The following CCSER1 variants were observed in gnomAD, a reference collection of about 807,000 sequenced individuals.
CCSER1 encodes the protein coiled-coil serine rich protein 1.
A neutral mutation model predicts 82.0 loss-of-function variants in CCSER1; 41 were observed. That is an observed-to-expected ratio of 0.50 (90% CI 0.39 to 0.65). CCSER1 has a LOEUF of 0.65. Ranked by LOEUF, CCSER1 falls within the 30% of genes least tolerant of loss-of-function variation. CCSER1 has a pLI of 0.00. For missense variants in CCSER1, 1,119 were observed against 1,064.2 expected (o/e 1.05, Z -0.72); for synonymous variants, 414 against 383.9 (o/e 1.08, Z -0.92).
Position 91,157,638 on chromosome 4 carries a change from C to G in CCSER1, c.2217+71644C>G, listed in dbSNP as rs1348360290. 2.0e-5 allele frequency among the ~76,000 whole-genome samples: 3 copies of G among 152,024 alleles called. No individual in the cohort carries two copies. The South Asian group carries it at 6.2e-4, about 32-fold the overall frequency. ...TATATCTCCATCTATATGGTAATGC[C>G]AGGGACAGCACTTAGAGTACCTGTT... On this transcript the variant is annotated intron_variant, in intron 10 of 10. Coordinates refer to ENST00000509176, the MANE Select transcript of CCSER1 (RefSeq NM_001145065.2).
rs144642405 is a variant in CCSER1, at chr4:90,696,043, G to A, written c.1933-27871G>A. On this transcript the variant is annotated intron_variant, in intron 6 of 10. Transcript: ENST00000509176. Reference sequence around the variant, plus strand: ...TAAATACTTTTATTAAAAACTCATCGGTTACATTTCCAAAATATAAATCTG... The same window carrying A: ...TAAATACTTTTATTAAAAACTCATCAGTTACATTTCCAAAATATAAATCTG... 3.8e-3 allele frequency among the ~76,000 whole-genome samples: 577 copies of A among 151,822 alleles called. 2 individuals carry two copies. The highest frequency in any genetic ancestry group is 5.3e-3 in the Non-Finnish European group (358 of 67,896).
Position 90,819,839 on chromosome 4 carries a change from A to C in CCSER1, c.2094+3994A>C, listed in dbSNP as rs529006545. 4.6e-5 allele frequency among the ~76,000 whole-genome samples: 7 copies of C among 152,346 alleles called. No individual in the cohort carries two copies. In the East Asian group the frequency reaches 1.3e-3, roughly 29 times the overall value. The stretch of plus-strand genomic sequence containing the variant: ...CTGTTTTCAACAGATCGAGATAAAA[A>C]TAATCACTTGTAATTGTTTTATTAT... On this transcript the variant is annotated intron_variant, in intron 8 of 10. Coordinates refer to ENST00000509176, the MANE Select transcript of CCSER1 (RefSeq NM_001145065.2).
intron 10 of CCSER1, among the ~76,000 whole-genome samples, chr4:91,485,485 A>G (rs770358881): frequency 1.3e-5 from 2 of 152,126 alleles, no homozygotes; most frequent in Non-Finnish European, 2.9e-5. Context: ...TAAGAAGGGG[A>G]AAAGTAGCAT....
chr4:90,551,146 T>A (rs1777429058), intron 5 of CCSER1, among the ~76,000 whole-genome samples: 1 of 152,148 alleles, frequency 6.6e-6, no homozygotes, highest in South Asian at 2.1e-4. Context: ...GTTTAGAAGC[T>A]TAGTTTATAA....
At chr4:90,689,447 T>C (rs1735420106) in intron 6 of CCSER1, among the ~76,000 whole-genome samples, 1 of 152,154 alleles carries the variant, frequency 6.6e-6, no homozygotes. Context: ...AGAATATTTA[T>C]TTTAAAACAG....
At position 91,318,862 on chromosome 4, in the gene CCSER1, G is replaced by A. The variant is rs954240176; in HGVS notation, c.2217+232868G>A. Among the ~76,000 whole-genome samples the A allele has an allele frequency of 4.6e-5, 7 of 151,850 alleles. No homozygotes were observed. In the South Asian group the frequency reaches 6.2e-4, roughly 13 times the overall value. On this transcript the variant is annotated intron_variant, in intron 10 of 10. Transcript: ENST00000509176. Reference sequence around the variant, plus strand: ...TGGAATACACAGCTGCCTTTTTAACGTTCTGATTGTGCATATTCCCTCATT... The same window carrying A: ...TGGAATACACAGCTGCCTTTTTAACATTCTGATTGTGCATATTCCCTCATT...
chr4:91,514,544 G>A (rs1286962529), intron 10 of CCSER1, among the ~76,000 whole-genome samples: 2 of 152,104 alleles, frequency 1.3e-5, no homozygotes, highest in East Asian at 3.8e-4. Context: ...TGCTGTCAGT[G>A]GGGTTTTTAA....
At chr4:91,067,425 A>C (rs2148756618) in intron 9 of CCSER1, among the ~76,000 whole-genome samples, 1 of 151,854 alleles carries the variant, frequency 6.6e-6, no homozygotes, top group East Asian at 1.9e-4. Flanking sequence ...GCTTACTGCA[A>C]GCTTGAAACT....
At chr4:90,316,241 A>G (rs1203064822) in intron 3 of CCSER1, among the ~76,000 whole-genome samples, 1 of 152,234 alleles carries the variant, frequency 6.6e-6, no homozygotes, top group East Asian at 1.9e-4. Context: ...GACATAGCTC[A>G]TAAATGGCAG....
At chr4:91,150,554 T>G (rs1730068375) in intron 10 of CCSER1, among the ~76,000 whole-genome samples, 1 of 152,180 alleles carries the variant, frequency 6.6e-6, no homozygotes, top group Admixed American at 6.5e-5. Context: ...CCCTGTCTTG[T>G]GTGCCAGTTT....
intron 8 of CCSER1, among the ~76,000 whole-genome samples, chr4:90,908,924 A>C (rs1046274782): frequency 1.3e-5 from 2 of 152,240 alleles, no homozygotes; most frequent in African/African-American, 4.8e-5. Flanking sequence ...TCCGTAACAA[A>C]GTACCACAAA....
At chr4:90,953,214 G>A (rs1398777121) in intron 9 of CCSER1, among the ~76,000 whole-genome samples, 1 of 151,746 alleles carries the variant, frequency 6.6e-6, no homozygotes, top group Non-Finnish European at 1.5e-5. Context: ...GCATATTAGT[G>A]GCAAAGTTCT....
chr4:90,353,221 A>G (rs1448033986), intron 3 of CCSER1, among the ~76,000 whole-genome samples: 4 of 152,158 alleles, frequency 2.6e-5, no homozygotes, highest in African/African-American at 7.2e-5. Flanking sequence ...GTATCTGGAA[A>G]GAACCTGGGA....
chr4:91,032,430 G>C lies in CCSER1; in HGVS notation c.2173-53520G>C, dbSNP rs74946137. Among the ~76,000 whole-genome samples the C allele has an allele frequency of 3.5e-3, 530 of 152,280 alleles. 4 individuals carry two copies. Among genetic ancestry groups the C allele is most frequent in the African/African-American group, 0.012 (511 of 41,572 alleles). On this transcript the variant is annotated intron_variant, in intron 9 of 10. Coordinates refer to ENST00000509176, the MANE Select transcript of CCSER1 (RefSeq NM_001145065.2). Reference sequence around the variant, plus strand: ...CAAAAAAGGAGAAAAAGGAAACGATGTACATCACAGTGTTACAATGCAGCA... The same window carrying C: ...CAAAAAAGGAGAAAAAGGAAACGATCTACATCACAGTGTTACAATGCAGCA...
At chr4:91,366,338 T>A (rs1357623866) in intron 10 of CCSER1, among the ~76,000 whole-genome samples, 1 of 152,206 alleles carries the variant, frequency 6.6e-6, no homozygotes, top group African/African-American at 2.4e-5. Flanking sequence ...CTATTCTTCC[T>A]GCTAGGACTT....
intron 9 of CCSER1, among the ~76,000 whole-genome samples, chr4:90,997,911 T>C (rs1737642940): frequency 6.6e-6 from 1 of 152,148 alleles, no homozygotes; most frequent in Non-Finnish European, 1.5e-5. Context: ...GCTGAGAGCA[T>C]AATATTGAAG....
intron 1 of CCSER1, among the ~76,000 whole-genome samples, chr4:90,301,401 G>A (rs1289917808): frequency 6.6e-6 from 1 of 151,994 alleles, no homozygotes; most frequent in Non-Finnish European, 1.5e-5. Context: ...GAAGCCTTTT[G>A]TTAAATCCTG....
chr4:91,382,753 G>A (rs1751004461), intron 10 of CCSER1, among the ~76,000 whole-genome samples: 2 of 152,036 alleles, frequency 1.3e-5, no homozygotes, highest in African/African-American at 2.4e-5. Flanking sequence ...AGATGAACCT[G>A]GTACCTCAGT....
chr4:90,335,681 C>T (rs1740253982), intron 3 of CCSER1, among the ~76,000 whole-genome samples: 1 of 152,238 alleles, frequency 6.6e-6, no homozygotes, highest in East Asian at 1.9e-4. Flanking sequence ...TATATCAAAA[C>T]TTACATAGTC....
Sources: gnomAD v4.1 joint callset for allele counts (sites outside exome capture counted in the v4.1 genomes callset) on GRCh38, gnomAD v4.1.1 for gene constraint, MANE v1.5 for transcripts, NCBI Gene and HGNC (gene_info 2026-07-23, HGNC 2026-07-21) for gene names.